The following GPC5 variants were observed in gnomAD, a reference collection of about 807,000 sequenced individuals.
GPC5 encodes the protein glypican-5.
A neutral mutation model predicts 53.9 loss-of-function variants in GPC5; 47 were observed. The observed-to-expected ratio is 0.87, with a 90% CI of 0.69 to 1.11. GPC5 has a LOEUF of 1.11. Among genes scored for constraint, GPC5 ranks in the 50% most tolerant of loss-of-function variants. The probability of loss-of-function intolerance (pLI) is 0.00; values close to 1 mark genes in which losing one functional copy is unlikely to be tolerated. For missense variants in GPC5, 748 were observed against 713.1 expected (o/e 1.05, Z -0.56); for synonymous variants, 286 against 263.3 (o/e 1.09, Z -0.84).
chr13:91,876,096 A>G (rs189146774), intron 5 of GPC5, among the ~76,000 whole-genome samples: 2 of 152,188 alleles, frequency 1.3e-5, no homozygotes, highest in Non-Finnish European at 2.9e-5. Flanking sequence ...TTCCCCTGTC[A>G]TGTAAGAAGT....
At chr13:92,255,048 C>T (rs1379392857) in intron 7 of GPC5, among the ~76,000 whole-genome samples, 1 of 152,038 alleles carries the variant, frequency 6.6e-6, no homozygotes, top group Non-Finnish European at 1.5e-5. Context: ...AACATATTAG[C>T]TATTATAAGT....
intron 7 of GPC5, among the ~76,000 whole-genome samples, chr13:92,568,106 G>A (rs1182091981): frequency 2.0e-5 from 3 of 152,102 alleles, no homozygotes; most frequent in Admixed American, 6.6e-5. Flanking sequence ...AGAATCACTT[G>A]AGGCCAGAAG....
chr13:92,470,284 G>T lies in GPC5; in HGVS notation c.1561+325295G>T, dbSNP rs75614136. 3.0e-4 allele frequency among the ~76,000 whole-genome samples: 45 copies of T among 152,060 alleles called. No individual in the cohort carries two copies. The East Asian group carries it at 8.7e-3, about 29-fold the overall frequency. ...ATTATTTGCTCTGCAATAGTAAATC[G>T]GTTTGTATTTCACAGCAGATTGCAA... On this transcript the variant is annotated intron_variant, in intron 7 of 7. Coordinates refer to ENST00000377067, the MANE Select transcript of GPC5 (RefSeq NM_004466.6).
intron 7 of GPC5, among the ~76,000 whole-genome samples, chr13:92,615,757 A>T (rs941687879): frequency 6.6e-6 from 1 of 152,286 alleles, no homozygotes; most frequent in Middle Eastern, 3.4e-3. Context: ...TTTGACCAAT[A>T]AAACTTCCCC....
intron 2 of GPC5, among the ~76,000 whole-genome samples, chr13:91,570,043 C>G (rs756810933): frequency 4.6e-5 from 7 of 151,820 alleles, no homozygotes; most frequent in African/African-American, 1.7e-4. Flanking sequence ...TGATTAAGTC[C>G]CTTCGGAAAA....
chr13:92,306,621 C>G (rs2043112541), intron 7 of GPC5, among the ~76,000 whole-genome samples: 1 of 152,176 alleles, frequency 6.6e-6, no homozygotes, highest in Non-Finnish European at 1.5e-5. Flanking sequence ...AATGGTGGCC[C>G]CAGAGGGCCT....
At chr13:91,792,431 A>G (rs1041469838) in intron 5 of GPC5, among the ~76,000 whole-genome samples, 8 of 152,226 alleles carry the variant, frequency 5.3e-5, no homozygotes, top group Non-Finnish European at 1.2e-4. Flanking sequence ...CTAAACCAGC[A>G]GAACCCCTGA....
intron 7 of GPC5, among the ~76,000 whole-genome samples, chr13:92,848,032 C>T (rs967203431): frequency 3.3e-5 from 5 of 152,108 alleles, no homozygotes; most frequent in African/African-American, 4.8e-5. Context: ...CTCCTGAGGA[C>T]GCCCTGCCGT....
chr13:92,400,017 C>T (rs976375589), intron 7 of GPC5, among the ~76,000 whole-genome samples: 2 of 152,112 alleles, frequency 1.3e-5, no homozygotes, highest in Admixed American at 6.5e-5. Flanking sequence ...AAAGATCATT[C>T]AAATTTGCAG....
At chr13:92,013,924 A>G (rs1175811484) in intron 6 of GPC5, among the ~76,000 whole-genome samples, 3 of 152,180 alleles carry the variant, frequency 2.0e-5, no homozygotes, top group Non-Finnish European at 4.4e-5. Context: ...ATTTCCCAAA[A>G]CAGATATTGC....
At chr13:91,793,869 C>G (rs895294548) in intron 5 of GPC5, among the ~76,000 whole-genome samples, 1 of 152,064 alleles carries the variant, frequency 6.6e-6, no homozygotes, top group African/African-American at 2.4e-5. Flanking sequence ...GGGAAACCAC[C>G]CCCATGATCC....
chr13:92,183,915 A>G (rs148683241), intron 7 of GPC5, among the ~76,000 whole-genome samples: 483 of 152,028 alleles, frequency 3.2e-3, no homozygotes, highest in Non-Finnish European at 5.2e-3. Context: ...TTTCTCTTTG[A>G]TCTTATCTAA....
chr13:91,907,991 A>G lies in GPC5; in HGVS notation c.1335A>G (p.Glu445=), dbSNP rs752283402. The change falls in exon 6 of 8, where the codon GAA becomes GAG. Residue 445 remains glutamate, a synonymous_variant. Coordinates refer to ENST00000377067, the MANE Select transcript of GPC5 (RefSeq NM_004466.6). ...NGIKAQSGNP[E]VKVKGIDPVI... is the part of the protein sequence containing the mutation. ...TCAAAGCCCAGTCTGGAAATCCTGAAGTCAAAGTCAAAGGAATTGATCCTG... is the reference window on the plus strand; with the variant it reads ...TCAAAGCCCAGTCTGGAAATCCTGAGGTCAAAGTCAAAGGAATTGATCCTG... 35 of 1,594,278 alleles carry G rather than the reference A, an allele frequency of 2.2e-5. No individual in the cohort carries two copies. The highest frequency in any genetic ancestry group is 2.8e-5 in the Non-Finnish European group (33 of 1,177,440).
chr13:91,668,484 G>T (rs1328111769), intron 2 of GPC5, among the ~76,000 whole-genome samples: 1 of 152,062 alleles, frequency 6.6e-6, no homozygotes, highest in Non-Finnish European at 1.5e-5. Context: ...TACAGTTGCT[G>T]GAATATTTGA....
chr13:91,448,058 C>G (rs1012911645), intron 1 of GPC5, among the ~76,000 whole-genome samples: 4 of 152,220 alleles, frequency 2.6e-5, no homozygotes, highest in East Asian at 3.9e-4. Context: ...TTTTTGTAAC[C>G]ATAACTCTTA....
intron 6 of GPC5, among the ~76,000 whole-genome samples, chr13:91,916,366 T>C (rs1358723786): frequency 1.3e-5 from 2 of 152,162 alleles, no homozygotes; most frequent in African/African-American, 4.8e-5. Flanking sequence ...TTGTTCATAT[T>C]ATCCAAAAAA....
At chr13:92,839,887 C>T (rs1404114781) in intron 7 of GPC5, among the ~76,000 whole-genome samples, 1 of 151,816 alleles carries the variant, frequency 6.6e-6, no homozygotes, top group Non-Finnish European at 1.5e-5. Context: ...TTTATTTCCT[C>T]TTCACGTTCG....
In GPC5 at chr13:92,174,546, AAAAAC is replaced by A. The variant is rs1355462125; in HGVS notation, c.1561+29562_1561+29566del. The stretch of plus-strand genomic sequence containing the variant: ...CGAGATTCCAACTCAAAGAAAAAAA[AAAAAC>A]AAAAACAACAACAACAACAAAAAAA... On this transcript the variant is annotated intron_variant, in intron 7 of 7. Coordinates refer to ENST00000377067, the MANE Select transcript of GPC5 (RefSeq NM_004466.6). 3.3e-5 allele frequency among the ~76,000 whole-genome samples: 5 copies of A among 150,814 alleles called. No individual in the cohort carries two copies. In the South Asian group the frequency reaches 8.4e-4, roughly 25 times the overall value.
chr13:92,468,647 G>T (rs1044076727), intron 7 of GPC5, among the ~76,000 whole-genome samples: 1 of 151,954 alleles, frequency 6.6e-6, no homozygotes, highest in Non-Finnish European at 1.5e-5. Context: ...TTTATATCAC[G>T]TTTTTGCATA....
Sources: gnomAD v4.1 joint callset for allele counts (sites outside exome capture counted in the v4.1 genomes callset) on GRCh38, gnomAD v4.1.1 for gene constraint, MANE v1.5 for transcripts, NCBI Gene and HGNC (gene_info 2026-07-23, HGNC 2026-07-21) for gene names.